PAXBP1: variants seen among roughly 807,000 people sequenced by gnomAD.
The protein encoded by PAXBP1 is PAX3 and PAX7 binding protein 1.
Under a neutral mutation model 119.9 loss-of-function variants are expected in PAXBP1, and 44 were observed. That is an observed-to-expected ratio of 0.37 (90% confidence interval 0.29 to 0.47). PAXBP1 has a LOEUF of 0.47. Among genes scored for constraint, PAXBP1 ranks in the 20% least tolerant of loss-of-function variants. The pLI is 0.99. For synonymous variants in PAXBP1, 393 were observed against 406.6 expected, an observed-to-expected ratio of 0.97 and a Z score of 0.40; for missense variants, 898 against 1,134.1, an observed-to-expected ratio of 0.79 and a Z score of 2.99.
intron 11 of PAXBP1, among the ~76,000 whole-genome samples, chr21:32,747,668 T>C (rs1013679637): frequency 1.3e-5 from 2 of 152,136 alleles, no homozygotes; most frequent in African/African-American, 4.8e-5. Context: ...TGTCTACAGC[T>C]TCACCCACGT....
chr21:32,743,059 A>T, intron 15 of PAXBP1, 189 bp downstream of exon 15: 1 of 680,394 alleles, frequency 1.5e-6, no homozygotes, highest in South Asian at 1.5e-5. Context: ...CTCAGAAATC[A>T]CTTTCTCCTG....
At chr21:32,755,004 C>A (rs1466292072) in intron 8 of PAXBP1, among the ~76,000 whole-genome samples, 1 of 152,016 alleles carries the variant, frequency 6.6e-6, no homozygotes, top group Non-Finnish European at 1.5e-5. Flanking sequence ...AATAAGAAGA[C>A]TGACAGAATC....
chr21:32,763,114 T>C (rs1332007944), intron 3 of PAXBP1, among the ~76,000 whole-genome samples: 1 of 152,154 alleles, frequency 6.6e-6, no homozygotes, highest in Non-Finnish European at 1.5e-5. Context: ...TATTCCATGT[T>C]ATTGTTCTCC....
At chr21:32,771,280 C>T (rs2044339723) in intron 1 of PAXBP1, 46 bp downstream of exon 1, 2 of 1,501,082 alleles carry the variant, frequency 1.3e-6, no homozygotes, top group South Asian at 1.2e-5. Flanking sequence ...CGGGGGCCTG[C>T]GTCGGGGATG....
rs372139184 is a variant in PAXBP1 at position 32,751,222 on chromosome 21, C to A, written c.1508-4G>T. ...TTTGGTGCCATCAGAGCTTTGTCTG[C>A]AAAACAACAACAGTTAAAATTAAAA... On this transcript the variant is annotated splice_region_variant and splice_polypyrimidine_tract_variant and intron_variant, in intron 8 of 17. Transcript: ENST00000331923. 33 of 1,613,188 alleles carry A rather than the reference C, an allele frequency of 2.0e-5. No homozygotes were observed. The highest frequency in any genetic ancestry group is 2.6e-5 in the Non-Finnish European group (31 of 1,179,410).
intron 8 of PAXBP1, among the ~76,000 whole-genome samples, chr21:32,752,752 G>A (rs1229413348): frequency 5.3e-5 from 8 of 152,086 alleles, no homozygotes; most frequent in South Asian, 2.1e-4. Context: ...CGATTCTCCC[G>A]CCTCAGCCTC....
rs748834882 is a variant in PAXBP1, at chr21:32,771,309, C to A, written c.343+17G>T. On this transcript the variant is annotated intron_variant, in intron 1 of 17. Transcript: ENST00000331923. Reference sequence around the variant, plus strand: ...GGGGATGCGGCCGTCTAAGGGCGTCCGAAGCGCGCACTTTACCTTCCTCCT... The same window carrying A: ...GGGGATGCGGCCGTCTAAGGGCGTCAGAAGCGCGCACTTTACCTTCCTCCT... 1.9e-6 allele frequency: 3 copies of A among 1,570,892 alleles called. No individual in the cohort carries two copies. The highest frequency in any genetic ancestry group is 3.4e-5 in the Admixed American group (2 of 58,016).
At chr21:32,766,767 C>G (rs1193893621) in intron 2 of PAXBP1, among the ~76,000 whole-genome samples, 1 of 152,244 alleles carries the variant, frequency 6.6e-6, no homozygotes, top group Non-Finnish European at 1.5e-5. Flanking sequence ...TTCTTCCAAA[C>G]ATCTCTGAGG....
chr21:32,745,494 C>A, intron 12 of PAXBP1, 80 bp downstream of exon 12: 1 of 1,550,704 alleles, frequency 6.4e-7, no homozygotes, highest in Admixed American at 1.7e-5. Context: ...AGGAAACATG[C>A]TCTGAATTAT....
chr21:32,741,726 C>T (rs776384968), intron 15 of PAXBP1: 185 of 522,672 alleles, frequency 3.5e-4, no homozygotes, highest in Middle Eastern at 1.6e-3. Context: ...GTTGGCTTTG[C>T]GGAAAAGGGG....
intron 15 of PAXBP1, among the ~76,000 whole-genome samples, chr21:32,739,207 AAG>A: frequency 6.6e-6 from 1 of 152,332 alleles, no homozygotes; most frequent in East Asian, 1.9e-4. Flanking sequence ...GCAGGGGAAA[AAG>A]AAGAATTCAT....
At chr21:32,745,032 C>T in intron 12 of PAXBP1, 119 bp from the exon 13 acceptor site, 4 of 1,078,690 alleles carry the variant, frequency 3.7e-6, no homozygotes, top group Non-Finnish European at 5.3e-6. Context: ...ACAATATAAG[C>T]TTTAGTCTTC....
intron 7 of PAXBP1, among the ~76,000 whole-genome samples, chr21:32,757,191 C>A (rs752293655): frequency 2.6e-5 from 4 of 152,040 alleles, no homozygotes; most frequent in Non-Finnish European, 5.9e-5. Flanking sequence ...ACGGTTAACT[C>A]TGAAATATTA....
rs1210884230 is a variant in PAXBP1, at chr21:32,759,428, C to CA, written c.1194-160dup. On this transcript the variant is annotated intron_variant, in intron 6 of 17. Coordinates refer to ENST00000331923, the MANE Select transcript of PAXBP1 (RefSeq NM_016631.4). ...CTGTACTGCTTTTTTTCTCAAAAAACAAAAAATGGCAGTTTACAGATTTCA... is the reference window on the plus strand; with the variant it reads ...CTGTACTGCTTTTTTTCTCAAAAAACAAAAAAATGGCAGTTTACAGATTTCA... 5.2e-5 allele frequency: 41 copies of CA among 791,014 alleles called. No homozygotes were observed. In the East Asian group the frequency reaches 7.5e-4, roughly 14 times the overall value. The allele number at this position is 791,014 out of a possible 1,614,324, so 49.0% of individuals were successfully genotyped here. A position where few individuals can be genotyped will look rare whatever the true frequency, so the allele number is the denominator to read the frequency against.
chr21:32,758,286 G>A (rs112211431), intron 7 of PAXBP1, among the ~76,000 whole-genome samples: 371 of 151,092 alleles, frequency 2.5e-3, no homozygotes, highest in African/African-American at 8.3e-3. Flanking sequence ...CCAATCCAAA[G>A]TTCAGACAGG....
chr21:32,747,676 C>G (rs113822444), intron 11 of PAXBP1, among the ~76,000 whole-genome samples: 2 of 152,180 alleles, frequency 1.3e-5, no homozygotes, highest in African/African-American at 2.4e-5. Flanking sequence ...GCTTCACCCA[C>G]GTTGGTAACT....
Position 32,749,644 on chromosome 21 carries a change from C to G in PAXBP1, c.1724-946G>C, listed in dbSNP as rs193179902. Among the ~76,000 whole-genome samples the G allele has an allele frequency of 8.8e-4, 133 of 151,430 alleles. 1 individual carries two copies. The highest frequency in any genetic ancestry group is 6.8e-3 in the Middle Eastern group (2 of 292). ...CTAACATTTGTCATGTGCTTTTAAG[C>G]AGTATGAAACAGCATCCTGTATAAA... is the stretch of plus-strand genomic sequence containing the variant. On this transcript the variant is annotated intron_variant, in intron 10 of 17. Transcript: ENST00000331923.
chr21:32,757,813 A>C (rs144729405), intron 7 of PAXBP1, among the ~76,000 whole-genome samples: 1 of 152,366 alleles, frequency 6.6e-6, no homozygotes, highest in East Asian at 1.9e-4. Flanking sequence ...TGGGCTCAGA[A>C]GAGTTTTGCC....
At chr21:32,764,742 A>G (rs760054052) in intron 2 of PAXBP1, among the ~76,000 whole-genome samples, 20 of 152,208 alleles carry the variant, frequency 1.3e-4, no homozygotes, top group Non-Finnish European at 2.5e-4. Flanking sequence ...AGACAGGATT[A>G]GGTAAAAATA....
Sources: allele counts gnomAD v4.1 joint callset (sites outside exome capture counted in the v4.1 genomes callset), GRCh38; gene constraint gnomAD v4.1.1; transcripts MANE v1.5; gene names NCBI Gene and HGNC (gene_info 2026-07-23, HGNC 2026-07-21).